Variants in WDR72 observed in about 807,000 individuals in gnomAD.
WDR72 encodes the protein WD repeat-containing protein 72.
In WDR72, 120 loss-of-function variants were observed where a neutral mutation model predicts 124.2. The observed-to-expected ratio is 0.97, with a 90% CI of 0.83 to 1.12. The LOEUF (loss-of-function observed/expected upper bound fraction) is 1.12. Ranked by LOEUF, WDR72 falls within the 50% of genes most tolerant of loss-of-function variation. The pLI, the probability that WDR72 is intolerant of heterozygous loss-of-function variation, is 0.00. For synonymous variants in WDR72, 452 were observed against 441.7 expected, an observed-to-expected ratio of 1.02 and a Z score of -0.29; for missense variants, 1,387 against 1,278.8, an observed-to-expected ratio of 1.08 and a Z score of -1.29.
chr15:53,646,160 C>T lies in WDR72; in HGVS notation c.1962+19412G>A, dbSNP rs370487774. The stretch of plus-strand genomic sequence containing the variant: ...AATGACTGCAAAGAAATTAATTTTG[C>T]AGTCATTTTCTTTTACACTCTCAGA... On this transcript the variant is annotated intron_variant, in intron 14 of 19. Transcript: ENST00000360509. Among the ~76,000 whole-genome samples, 3 of 152,098 alleles carry T rather than the reference C, an allele frequency of 2.0e-5. No individual in the cohort carries two copies. The East Asian group carries it at 5.8e-4, about 29-fold the overall frequency.
intron 12 of WDR72, 88 bp from the exon 13 acceptor site, chr15:53,700,033 A>C (rs2017123192): frequency 3.9e-6 from 6 of 1,530,070 alleles, no homozygotes; most frequent in Non-Finnish European, 5.4e-6. Flanking sequence ...GTAACATAAA[A>C]AAGTTTTGTT....
At chr15:53,646,106 A>G (rs1024927141) in intron 14 of WDR72, among the ~76,000 whole-genome samples, 9 of 152,150 alleles carry the variant, frequency 5.9e-5, no homozygotes, top group Non-Finnish European at 1.2e-4. Flanking sequence ...TCTGTAAATC[A>G]TAACCATATC....
At chr15:53,686,491 A>G (rs2016630056) in intron 13 of WDR72, among the ~76,000 whole-genome samples, 1 of 151,762 alleles carries the variant, frequency 6.6e-6, no homozygotes, top group South Asian at 2.1e-4. Flanking sequence ...TAAAGGGATC[A>G]ATTCAACAAG....
At chr15:53,671,426 G>T (rs2015984260) in intron 13 of WDR72, among the ~76,000 whole-genome samples, 1 of 152,082 alleles carries the variant, frequency 6.6e-6, no homozygotes, top group Admixed American at 6.6e-5. Context: ...TGTAATTGGT[G>T]TCCTTTATTT....
At chr15:53,717,072 C>T (rs966769777) in intron 3 of WDR72, among the ~76,000 whole-genome samples, 1 of 152,102 alleles carries the variant, frequency 6.6e-6, no homozygotes, top group Admixed American at 6.6e-5. Flanking sequence ...AGCGCTGCAT[C>T]TTCTGAGGCC....
intron 14 of WDR72, among the ~76,000 whole-genome samples, chr15:53,617,764 T>C (rs551297275): frequency 6.6e-5 from 10 of 152,076 alleles, no homozygotes; most frequent in Admixed American, 5.9e-4. Flanking sequence ...TTCACCATTA[T>C]GTTCATCAAA....
Position 53,715,190 on chromosome 15 carries a change from T to C in WDR72, c.514+3A>G. 2 of 1,613,984 alleles carry C rather than the reference T, an allele frequency of 1.2e-6. No homozygotes were observed. The highest frequency in any genetic ancestry group is 1.7e-6 in the Non-Finnish European group (2 of 1,179,904). ...CTACTGTCAGATAATATCCAACTAT[T>C]ACCTTGAATTCTCATGGAGTGAACA... On this transcript the variant is annotated splice_donor_region_variant and intron_variant, in intron 5 of 19. Coordinates refer to ENST00000360509, the MANE Select transcript of WDR72 (RefSeq NM_182758.4).
rs1023500994 is a variant in WDR72 at position 53,683,479 on chromosome 15, T to C, written c.1765+16271A>G. Among the ~76,000 whole-genome samples the C allele has an allele frequency of 4.6e-5, 7 of 152,238 alleles. 1 individual carries two copies. Among genetic ancestry groups the C allele is most frequent in the South Asian group, 4.1e-4 (2 of 4,822 alleles). On this transcript the variant is annotated intron_variant, in intron 13 of 19. Transcript: ENST00000360509. ...GAATATGTAAAATCTTATGTATCCA[T>C]ACAAAATTTTTTAAAATAAGGATAG... is the stretch of plus-strand genomic sequence containing the variant.
chr15:53,609,060 T>A (rs1448321425), intron 17 of WDR72, among the ~76,000 whole-genome samples: 1 of 152,128 alleles, frequency 6.6e-6, no homozygotes, highest in East Asian at 1.9e-4. Flanking sequence ...CCCCATTCTC[T>A]GTGATGTGAT....
intron 18 of WDR72, among the ~76,000 whole-genome samples, chr15:53,528,566 T>C (rs1197336432): frequency 6.6e-6 from 1 of 152,108 alleles, no homozygotes; most frequent in Non-Finnish European, 1.5e-5. Context: ...AAAGAGGATC[T>C]ATTTTTCAAC....
At chr15:53,705,453 T>C (rs2017323827) in intron 10 of WDR72, among the ~76,000 whole-genome samples, 1 of 148,066 alleles carries the variant, frequency 6.8e-6, no homozygotes, top group African/African-American at 2.5e-5. Context: ...TGTGTGTGTG[T>C]TTTTAATTAA....
chr15:53,622,999 T>G (rs1487529538), intron 14 of WDR72, among the ~76,000 whole-genome samples: 1 of 152,182 alleles, frequency 6.6e-6, no homozygotes, highest in Non-Finnish European at 1.5e-5. Context: ...AATTAATTTG[T>G]AAAATACTCA....
At chr15:53,749,765 G>A (rs940783175) in intron 1 of WDR72, among the ~76,000 whole-genome samples, 1 of 152,128 alleles carries the variant, frequency 6.6e-6, no homozygotes, top group Non-Finnish European at 1.5e-5. Context: ...AATGATCAGA[G>A]ACCGAAACAA....
At chr15:53,601,146 C>T (rs1005939696) in intron 17 of WDR72, among the ~76,000 whole-genome samples, 1 of 152,120 alleles carries the variant, frequency 6.6e-6, no homozygotes, top group Non-Finnish European at 1.5e-5. Context: ...GCCCATTAGA[C>T]TAACAGTGGG....
intron 18 of WDR72, among the ~76,000 whole-genome samples, chr15:53,530,733 A>G (rs968160677): frequency 1.1e-4 from 16 of 152,098 alleles, no homozygotes; most frequent in Admixed American, 7.2e-4. Context: ...TTGAGACTAG[A>G]GATAAACATG....
chr15:53,572,445 CT>C (rs1894571396), intron 18 of WDR72, among the ~76,000 whole-genome samples: 1 of 151,852 alleles, frequency 6.6e-6, no homozygotes, highest in African/African-American at 2.4e-5. Context: ...ATATTTTCCC[CT>C]CACATTGAAA....
intron 12 of WDR72, among the ~76,000 whole-genome samples, chr15:53,700,751 C>T (rs1381421984): frequency 6.6e-6 from 1 of 151,944 alleles, no homozygotes; most frequent in African/African-American, 2.4e-5. Context: ...TTATTAAGTG[C>T]ACTCCAGAAA....
chr15:53,762,569 A>G (rs1265177808), upstream of WDR72: 4 of 152,358 alleles, frequency 2.6e-5, no homozygotes, highest in Admixed American at 6.5e-5. Flanking sequence ...TCCCTCACCA[A>G]TCCTTTCCTT....
intron 1 of WDR72, among the ~76,000 whole-genome samples, chr15:53,754,645 T>C (rs2018854921): frequency 6.6e-6 from 1 of 152,136 alleles, no homozygotes; most frequent in Non-Finnish European, 1.5e-5. Flanking sequence ...ATCCAACCCA[T>C]TTTAACTAGC....
Sources: allele counts gnomAD v4.1 joint callset (sites outside exome capture counted in the v4.1 genomes callset), GRCh38; gene constraint gnomAD v4.1.1; transcripts MANE v1.5; gene names NCBI Gene and HGNC (gene_info 2026-07-23, HGNC 2026-07-21).